Variants in PTGIR observed in about 807,000 individuals in gnomAD.
The protein encoded by PTGIR is prostaglandin I2 receptor.
Under a neutral mutation model 17.6 loss-of-function variants are expected in PTGIR, and 16 were observed. That is an observed-to-expected ratio of 0.91 (90% CI 0.61 to 1.38). The LOEUF (loss-of-function observed/expected upper bound fraction) is 1.38. PTGIR is among the 40% of genes most tolerant of loss of function. The probability of loss-of-function intolerance (pLI) is 0.00; values close to 1 mark genes in which losing one functional copy is unlikely to be tolerated. For synonymous variants in PTGIR, 274 were observed against 255.4 expected, an observed-to-expected ratio of 1.07 and a Z score of -0.69; for missense variants, 532 against 548.6, an observed-to-expected ratio of 0.97 and a Z score of 0.30.
the PTGIR span, among the ~76,000 whole-genome samples, chr19:46,611,202 G>A: frequency 6.6e-6 from 1 of 152,196 alleles, no homozygotes; most frequent in Non-Finnish European, 1.5e-5. Flanking sequence ...GGGACGACAT[G>A]TATGGAAGCC....
rs201208669 is a variant in PTGIR at position 46,620,716 on chromosome 19, C to T, written c.*564G>A. 1.0e-6 allele frequency: 1 copy of T among 985,984 alleles called. No individual in the cohort carries two copies. The highest frequency in any genetic ancestry group is 1.2e-6 in the Non-Finnish European group (1 of 830,000). 61.1% of individuals were successfully genotyped at this position (985,984 alleles called of 1,614,324 possible). A position where few individuals can be genotyped will look rare whatever the true frequency, so the allele number is the denominator to read the frequency against. On this transcript the variant is annotated 3_prime_UTR_variant, in exon 3 of 3. Coordinates refer to ENST00000291294, the MANE Select transcript of PTGIR (RefSeq NM_000960.4). ...GTCATCACCCACAATGCAGCAGCCT[C>T]CCCTTCCTCCCGTTGCCCCTTTGGG...
At position 46,621,370 on chromosome 19, in the gene PTGIR, C is replaced by A. The variant is rs200028013; in HGVS notation, c.1071G>T (p.Val357=). The A allele has an allele frequency of 1.2e-4, 194 of 1,573,618 alleles. 1 individual carries two copies. The South Asian group carries it at 2.1e-3, about 17-fold the overall frequency. ...VPLSAWGEGQ[V]EPLPPTQQSS... ...ACTGCTGTGTGGGAGGCAAGGGCTC[C>A]ACCTGCCCCTCGCCCCAAGCCGACA... The change falls in exon 3 of 3, where the codon GTG becomes GTT. Residue 357 remains valine, a synonymous_variant. Transcript: ENST00000291294. The surrounding 1 kb of genome is among the most constrained non-coding windows in gnomAD (Gnocchi z 4.8).
downstream of PTGIR, among the ~76,000 whole-genome samples, chr19:46,616,414 A>G (rs1971964427): frequency 7.2e-6 from 1 of 138,698 alleles, no homozygotes; most frequent in Admixed American, 7.8e-5. Flanking sequence ...GCTCACTGCA[A>G]CCTCTGCCTC....
At chr19:46,618,618 A>AT (rs887439584), downstream of PTGIR, among the ~76,000 whole-genome samples, 10 of 151,866 alleles carry the variant, frequency 6.6e-5, no homozygotes, top group Non-Finnish European at 7.4e-5. Flanking sequence ...TATTTTTTAA[A>AT]TTTTTTTTTA....
the PTGIR span, among the ~76,000 whole-genome samples, chr19:46,611,160 A>G: frequency 1.3e-5 from 2 of 151,290 alleles, no homozygotes; most frequent in African/African-American, 2.4e-5. Context: ...CTAGCCGGGT[A>G]GGGGAAGGAC....
At chr19:46,615,937 G>A (rs1971956205), downstream of PTGIR, among the ~76,000 whole-genome samples, 3 of 152,004 alleles carry the variant, frequency 2.0e-5, no homozygotes, top group Non-Finnish European at 4.4e-5. Context: ...AAGTCGCTGG[G>A]AATATAGGCA....
chr19:46,624,359 T>C, intron 1 of PTGIR, 122 bp from the exon 2 acceptor site: 1 of 896,358 alleles, frequency 1.1e-6, no homozygotes, highest in Non-Finnish European at 1.6e-6. Flanking sequence ...AACCCCCAGT[T>C]CTCCTGTGTG....
Position 46,621,282 on chromosome 19 carries a change from A to T in PTGIR, c.1159T>A (p.Ter387ArgextTer7). 1 of 1,507,662 alleles carries T rather than the reference A, an allele frequency of 6.6e-7. No individual in the cohort carries two copies. The highest frequency in any genetic ancestry group is 8.9e-7 in the Non-Finnish European group (1 of 1,127,440). The allele number at this position is 1,507,662 out of a possible 1,614,324, so 93.4% of individuals were successfully genotyped here. A position where few individuals can be genotyped will look rare whatever the true frequency, so the allele number is the denominator to read the frequency against. ...GATCACAGGGTCAGCTTGAAATGTCAGCAGAGGGAGCAGGCGACGCTGGCT... is the reference window on the plus strand; with the variant it reads ...GATCACAGGGTCAGCTTGAAATGTCTGCAGAGGGAGCAGGCGACGCTGGCT... ...AEASVACSLC* is the reference protein window; with the variant it reads ...AEASVACSLCR Residue 387 changes from the stop codon to arginine (R), a stop_lost, in exon 3 of 3, where the codon TGA becomes AGA. Coordinates refer to ENST00000291294, the MANE Select transcript of PTGIR (RefSeq NM_000960.4). This position sits in a 1 kb window ranked among gnomAD's most constrained non-coding sequence, Gnocchi z 4.8.
At chr19:46,616,979 G>T (rs1971971704), downstream of PTGIR, among the ~76,000 whole-genome samples, 1 of 152,270 alleles carries the variant, frequency 6.6e-6, no homozygotes. Flanking sequence ...AGGGAGGAGT[G>T]GTTGCATCTT....
At chr19:46,614,097 T>G in the PTGIR span, among the ~76,000 whole-genome samples, 2 of 152,076 alleles carry the variant, frequency 1.3e-5, no homozygotes, top group Non-Finnish European at 2.9e-5. Flanking sequence ...AGAAGAGAAA[T>G]GCCTAGACCG....
the PTGIR span, among the ~76,000 whole-genome samples, chr19:46,611,471 C>G: frequency 1.3e-5 from 2 of 152,192 alleles, no homozygotes; most frequent in Admixed American, 1.3e-4. Flanking sequence ...GCACGGGACT[C>G]AGTGTTGGTT....
rs200860974 is a variant in PTGIR, at chr19:46,623,587, C to A, written c.639G>T (p.Met213Ile). The change falls in exon 2 of 3, where the codon ATG (methionine) becomes ATT (isoleucine). Residue 213 changes from methionine (M) to isoleucine (I), a missense_variant. Coordinates refer to ENST00000291294, the MANE Select transcript of PTGIR (RefSeq NM_000960.4). ...CCTGGTGGCGCTTCTGCTGGCGGTA[C>A]ATGCGGCAGAGGCTGAGGGTGACCG... ...NGSVTLSLCR[M>I]YRQQKRHQGS... is the part of the protein sequence containing the mutation. The A allele has an allele frequency of 3.2e-6, 5 of 1,550,998 alleles. No individual in the cohort carries two copies. Among genetic ancestry groups the A allele is most frequent in the Non-Finnish European group, 3.5e-6 (4 of 1,147,664 alleles).
At chr19:46,623,377 C>A in intron 2 of PTGIR, 81 bp downstream of exon 2, 1 of 1,409,468 alleles carries the variant, frequency 7.1e-7, no homozygotes. Context: ...GAGCCTCAGT[C>A]TCCCCATCTG....
At chr19:46,619,549 GA>G (rs1568675521), downstream of PTGIR, among the ~76,000 whole-genome samples, 53 of 71,382 alleles carry the variant, frequency 7.4e-4, 1 homozygote, top group Admixed American at 3.1e-3. Flanking sequence ...AAGAAAGAAA[GA>G]GAGAGAGAGA....
chr19:46,623,517 G>A lies in PTGIR; in HGVS notation c.709C>T (p.His237Tyr), dbSNP rs201363280. ...RPRTGEDEVD[H>Y]LILLALMTVV... ...GTCATGAGGGCCAGCAGGATCAGGT[G>A]GTCCACCTCGTCCTCTCCGGTGCGC... The change falls in exon 2 of 3, where the codon CAC becomes TAC. Residue 237 changes from histidine (H) to tyrosine (Y), a missense_variant. Coordinates refer to ENST00000291294, the MANE Select transcript of PTGIR (RefSeq NM_000960.4). The A allele has an allele frequency of 1.9e-6, 3 of 1,573,448 alleles. No individual in the cohort carries two copies. The highest frequency in any genetic ancestry group is 1.7e-4 in the Middle Eastern group (1 of 6,008).
downstream of PTGIR, among the ~76,000 whole-genome samples, chr19:46,618,710 A>G (rs750626072): frequency 3.9e-5 from 6 of 152,208 alleles, no homozygotes; most frequent in Non-Finnish European, 1.5e-5. Context: ...GTGCATTCAC[A>G]CTGTTGAGCA....
chr19:46,615,420 A>G, the PTGIR span, among the ~76,000 whole-genome samples: 2 of 152,332 alleles, frequency 1.3e-5, no homozygotes, highest in East Asian at 3.9e-4. Flanking sequence ...CCCCTAGGAT[A>G]CCGAGGGATG....
chr19:46,619,337 A>C (rs1384018935), downstream of PTGIR, among the ~76,000 whole-genome samples: 1 of 151,758 alleles, frequency 6.6e-6, no homozygotes, highest in Admixed American at 6.6e-5. Context: ...TACTACAAAT[A>C]CAAAAAAATT....
Position 46,621,266 on chromosome 19 carries a change from G to A in PTGIR, c.*14C>T, listed in dbSNP as rs375214182. 1.3e-6 allele frequency: 2 copies of A among 1,501,232 alleles called. No homozygotes were observed. The highest frequency in any genetic ancestry group is 1.4e-5 in the African/African-American group (1 of 71,360). 93.0% of individuals were successfully genotyped at this position (1,501,232 alleles called of 1,614,324 possible). On this transcript the variant is annotated 3_prime_UTR_variant, in exon 3 of 3. Coordinates refer to ENST00000291294, the MANE Select transcript of PTGIR (RefSeq NM_000960.4). The surrounding 1 kb of genome is among the most constrained non-coding windows in gnomAD (Gnocchi z 4.8). Reference sequence around the variant, plus strand: ...CCGAAGACAGGGCAGAGATCACAGGGTCAGCTTGAAATGTCAGCAGAGGGA... The same window carrying A: ...CCGAAGACAGGGCAGAGATCACAGGATCAGCTTGAAATGTCAGCAGAGGGA...
Sources: gnomAD v4.1 joint callset for allele counts (sites outside exome capture counted in the v4.1 genomes callset) on GRCh38, gnomAD v4.1.1 for gene constraint, Gnocchi (gnomAD v3.1) non-coding constraint, MANE v1.5 for transcripts, NCBI Gene and HGNC (gene_info 2026-07-23, HGNC 2026-07-21) for gene names.